SOX6: variants seen among roughly 807,000 people sequenced by gnomAD.
SOX6 encodes SRY-box transcription factor 6.
SOX6 carries 11 observed loss-of-function variants against 97.8 expected under a neutral mutation model. The observed-to-expected ratio is 0.11, with a 90% CI of 0.07 to 0.19. The LOEUF is 0.19. Among genes scored for constraint, SOX6 ranks in the 10% least tolerant of loss-of-function variants. The pLI is 1.00. For missense variants in SOX6, 810 were observed against 1,039.5 expected, an observed-to-expected ratio of 0.78 and a Z score of 3.04; for synonymous variants, 360 against 371.4, an observed-to-expected ratio of 0.97 and a Z score of 0.35.
Position 15,969,044 on chromosome 11 carries a change from T to G in SOX6, c.*3765A>C, listed in dbSNP as rs2119731227. 6.6e-6 allele frequency: 1 copy of G among 152,074 alleles called. No individual in the cohort carries two copies. The highest frequency in any genetic ancestry group is 2.1e-4 in the South Asian group (1 of 4,808). 9.4% of individuals were successfully genotyped at this position (152,074 alleles called of 1,614,324 possible). ...CTACTTTTTTCCTTTCTTCCTTCTT[T>G]TCTCCTTTTCCTTCCATTCCATATG... On this transcript the variant is annotated 3_prime_UTR_variant, in exon 16 of 16. Coordinates refer to ENST00000683767, the MANE Select transcript of SOX6 (RefSeq NM_001367873.1).
At chr11:16,661,789 A>T (rs1173289626) in intron 3 of SOX6, among the ~76,000 whole-genome samples, 1 of 152,088 alleles carries the variant, frequency 6.6e-6, no homozygotes, top group Non-Finnish European at 1.5e-5. Flanking sequence ...GCTGCAAATG[A>T]TCCTCCCACC....
intron 3 of SOX6, chr11:16,264,834 T>C (rs2134219428): frequency 8.0e-6 from 1 of 124,898 alleles, no homozygotes; most frequent in Middle Eastern, 5.2e-3. Context: ...AGACGGAGGC[T>C]GAATTTACCC....
At chr11:16,175,082 T>C (rs1185441719) in intron 6 of SOX6, among the ~76,000 whole-genome samples, 1 of 151,960 alleles carries the variant, frequency 6.6e-6, no homozygotes, top group Non-Finnish European at 1.5e-5. Context: ...TCCTCTGTAC[T>C]ATCATGGTGA....
chr11:15,985,862 G>C (rs1005957602), intron 15 of SOX6, among the ~76,000 whole-genome samples: 1 of 152,144 alleles, frequency 6.6e-6, no homozygotes, highest in Non-Finnish European at 1.5e-5. Context: ...AGCTTATGGG[G>C]ATTTCTTAAG....
chr11:16,039,166 T>G (rs1855592406), intron 12 of SOX6, among the ~76,000 whole-genome samples: 1 of 152,136 alleles, frequency 6.6e-6, no homozygotes, highest in Non-Finnish European at 1.5e-5. Context: ...TCCTTAATTT[T>G]TATTTCCCAC....
intron 3 of SOX6, among the ~76,000 whole-genome samples, chr11:16,635,098 C>T (rs547649034): frequency 1.3e-5 from 2 of 152,190 alleles, no homozygotes; most frequent in South Asian, 2.1e-4. Flanking sequence ...CTTATAGCAC[C>T]GTGAGAATGG....
intron 13 of SOX6, among the ~76,000 whole-genome samples, chr11:15,997,347 G>A (rs1854256290): frequency 6.6e-6 from 1 of 152,150 alleles, no homozygotes; most frequent in Non-Finnish European, 1.5e-5. Context: ...TGAAAGTAGA[G>A]GAAGAAGGAA....
intron 2 of SOX6, among the ~76,000 whole-genome samples, chr11:16,732,160 C>T (rs963571561): frequency 4.6e-5 from 7 of 152,216 alleles, no homozygotes; most frequent in Non-Finnish European, 7.3e-5. Flanking sequence ...AATGGCCACA[C>T]TGCCCAAGTT....
intron 4 of SOX6, among the ~76,000 whole-genome samples, chr11:16,557,416 C>T (rs941436501): frequency 2.0e-5 from 3 of 151,838 alleles, no homozygotes; most frequent in Non-Finnish European, 3.0e-5. Context: ...TTCCCACATT[C>T]AACTTTCTTC....
rs549103099 is a variant in SOX6 at position 16,539,530 on chromosome 11, G to C, written n.610-63142C>G. Among the ~76,000 whole-genome samples, 9 of 152,136 alleles carry C rather than the reference G, an allele frequency of 5.9e-5. No individual in the cohort carries two copies. The South Asian group carries it at 1.2e-3, about 21-fold the overall frequency. On this transcript the variant is annotated intron_variant and non_coding_transcript_variant, in intron 4 of 5. Transcript: ENST00000524520. ...ACCTTCAAAAAATCAATGAATCCAGGAGCTGGTTTTTTGAAAAGATGAACA... is the reference window on the plus strand; with the variant it reads ...ACCTTCAAAAAATCAATGAATCCAGCAGCTGGTTTTTTGAAAAGATGAACA...
intron 6 of SOX6, among the ~76,000 whole-genome samples, chr11:16,157,834 A>ACACCTT (rs2134065497): frequency 6.6e-6 from 1 of 152,014 alleles, no homozygotes; most frequent in African/African-American, 2.4e-5. Context: ...CTCTGCCTGG[A>ACACCTT]CACCTTCCAT....
At chr11:16,095,436 A>C (rs1439799809) in intron 9 of SOX6, among the ~76,000 whole-genome samples, 1 of 151,848 alleles carries the variant, frequency 6.6e-6, no homozygotes, top group Non-Finnish European at 1.5e-5. Context: ...TCTTGGAAAA[A>C]GCAATCATCC....
chr11:16,397,246 TA>T lies in SOX6; in HGVS notation c.-4-55995del, dbSNP rs545733658. 2.2e-4 allele frequency among the ~76,000 whole-genome samples: 33 copies of T among 151,638 alleles called. 1 individual carries two copies. In the East Asian group the frequency reaches 5.8e-3, roughly 27 times the overall value. Reference sequence around the variant, plus strand: ...ATGTATTTTTATAAATATTCAAAATTAAATATATTTATCTACTTATGTAAAT... The same window carrying T: ...ATGTATTTTTATAAATATTCAAAATTAATATATTTATCTACTTATGTAAAT... On this transcript the variant is annotated intron_variant, in intron 1 of 15. Transcript: ENST00000396356.
In SOX6 at chr11:16,439,521, A is replaced by G. The variant is rs182703352; in HGVS notation, c.-5+36794T>C. 2.0e-3 allele frequency among the ~76,000 whole-genome samples: 303 copies of G among 152,292 alleles called. 3 individuals carry two copies. The highest frequency in any genetic ancestry group is 6.9e-3 in the African/African-American group (286 of 41,558). Reference sequence around the variant, plus strand: ...TATGGATAAAGTAAGTTCTTTTGTAATTCCTCTAAAGAATACTATATAGAC... The same window carrying G: ...TATGGATAAAGTAAGTTCTTTTGTAGTTCCTCTAAAGAATACTATATAGAC... On this transcript the variant is annotated intron_variant, in intron 1 of 15. Transcript: ENST00000396356.
chr11:16,460,558 T>TCTTTTCTCA (rs1859903558), intron 1 of SOX6, among the ~76,000 whole-genome samples: 1 of 152,102 alleles, frequency 6.6e-6, no homozygotes, highest in Admixed American at 6.6e-5. Flanking sequence ...TTTCAATAAG[T>TCTTTTCTCA]CTTTTCTCAC....
At chr11:16,002,523 G>A (rs1854434626) in intron 13 of SOX6, among the ~76,000 whole-genome samples, 1 of 152,078 alleles carries the variant, frequency 6.6e-6, no homozygotes, top group Admixed American at 6.6e-5. Context: ...TGACCTGAAG[G>A]GAGCATAGAG....
chr11:16,159,245 C>A (rs1236677868), intron 6 of SOX6, among the ~76,000 whole-genome samples: 1 of 152,060 alleles, frequency 6.6e-6, no homozygotes, highest in Non-Finnish European at 1.5e-5. Context: ...TTCCTATCCC[C>A]TCCTCTAACT....
intron 13 of SOX6, among the ~76,000 whole-genome samples, chr11:15,999,894 T>G (rs768284761): frequency 9.2e-5 from 14 of 152,152 alleles, no homozygotes; most frequent in Non-Finnish European, 1.3e-4. Flanking sequence ...CTTGGGTTAT[T>G]AGAGAAAAAT....
intron 9 of SOX6, among the ~76,000 whole-genome samples, chr11:16,080,733 A>G (rs892646995): frequency 6.6e-6 from 1 of 152,192 alleles, no homozygotes; most frequent in Admixed American, 6.5e-5. Flanking sequence ...AGAAAAACAT[A>G]ATATAATAAA....
Sources: allele counts gnomAD v4.1 joint callset (sites outside exome capture counted in the v4.1 genomes callset), GRCh38; gene constraint gnomAD v4.1.1; transcripts MANE v1.5; gene names NCBI Gene and HGNC (gene_info 2026-07-23, HGNC 2026-07-21).